HECW1: variants seen among roughly 807,000 people sequenced by gnomAD.
HECW1 encodes E3 ubiquitin-protein ligase HECW1.
Under a neutral mutation model 182.3 loss-of-function variants are expected in HECW1, and 61 were observed. That is an observed-to-expected ratio of 0.33 (90% CI 0.27 to 0.41). The LOEUF is 0.41. Ranked by LOEUF, HECW1 falls within the 10% of genes least tolerant of loss-of-function variation. HECW1 has a pLI of 1.00. For missense variants in HECW1, 1,739 were observed against 2,108.9 expected (o/e 0.82, Z 3.44); for synonymous variants, 859 against 832.6 (o/e 1.03, Z -0.55).
At chr7:43,322,686 G>A (rs905846601) in intron 5 of HECW1, among the ~76,000 whole-genome samples, 1 of 152,120 alleles carries the variant, frequency 6.6e-6, no homozygotes, top group African/African-American at 2.4e-5. Context: ...CCAGCAAGTG[G>A]TACCTGATAT....
chr7:43,475,875 A>T (rs1437120295), intron 16 of HECW1, among the ~76,000 whole-genome samples: 1 of 152,196 alleles, frequency 6.6e-6, no homozygotes, highest in Non-Finnish European at 1.5e-5. Flanking sequence ...TTAAAAACAA[A>T]TACTCTTGGT....
intron 3 of HECW1, among the ~76,000 whole-genome samples, chr7:43,249,779 G>A (rs889968158): frequency 6.6e-6 from 1 of 152,180 alleles, no homozygotes; most frequent in Non-Finnish European, 1.5e-5. Context: ...AGCCACAGAT[G>A]CCTCTCTTGC....
At chr7:43,210,385 C>T (rs375828253) in intron 2 of HECW1, among the ~76,000 whole-genome samples, 23 of 151,978 alleles carry the variant, frequency 1.5e-4, no homozygotes, top group East Asian at 5.8e-4. Context: ...TCAGGTCATC[C>T]TGAGACAGGA....
At chr7:43,368,560 C>T (rs1259633650) in intron 6 of HECW1, among the ~76,000 whole-genome samples, 2 of 152,180 alleles carry the variant, frequency 1.3e-5, no homozygotes, top group South Asian at 2.1e-4. Flanking sequence ...GGAAGGGATT[C>T]GGCATCCTCT....
intron 8 of HECW1, among the ~76,000 whole-genome samples, chr7:43,437,490 T>A (rs1455129856): frequency 3.3e-5 from 5 of 152,232 alleles, no homozygotes; most frequent in Non-Finnish European, 7.3e-5. Flanking sequence ...TAAATGCCAG[T>A]AAATATTGCC....
At chr7:43,151,225 C>G (rs1382590080) in intron 2 of HECW1, among the ~76,000 whole-genome samples, 1 of 152,094 alleles carries the variant, frequency 6.6e-6, no homozygotes, top group African/African-American at 2.4e-5. Context: ...ACCTTTTCTT[C>G]CCCAGGTGAC....
chr7:43,235,768 G>A (rs1798275741), intron 2 of HECW1, among the ~76,000 whole-genome samples: 1 of 152,154 alleles, frequency 6.6e-6, no homozygotes, highest in Non-Finnish European at 1.5e-5. Context: ...GGGGAGTCCT[G>A]AGTGTGGGCA....
chr7:43,286,222 A>G (rs1393428555), intron 3 of HECW1, among the ~76,000 whole-genome samples: 1 of 152,220 alleles, frequency 6.6e-6, no homozygotes, highest in Non-Finnish European at 1.5e-5. Context: ...AGCACAGTCC[A>G]AACAGACAAG....
chr7:43,405,316 C>A (rs140706775), intron 7 of HECW1, among the ~76,000 whole-genome samples: 1 of 152,124 alleles, frequency 6.6e-6, no homozygotes, highest in South Asian at 2.1e-4. Flanking sequence ...CTAGGTTCAA[C>A]AATTTGCTAG....
intron 5 of HECW1, among the ~76,000 whole-genome samples, chr7:43,327,634 G>C (rs925656735): frequency 1.3e-5 from 2 of 152,062 alleles, no homozygotes; most frequent in African/African-American, 4.8e-5. Context: ...TTTCCTTCCA[G>C]TTTTGCTTTA....
In HECW1 at chr7:43,445,589, T is replaced by C. The variant is rs914052058; in HGVS notation, c.2398+19T>C. ...AGAGAAGGTTAGACCTCAAACCTGA[T>C]CAGAGTGAGAATAGGACCATCAGGG... On this transcript the variant is annotated intron_variant, in intron 11 of 29. Coordinates refer to ENST00000395891, the MANE Select transcript of HECW1 (RefSeq NM_015052.5). 3.2e-6 allele frequency: 5 copies of C among 1,540,920 alleles called. No individual in the cohort carries two copies. The highest frequency in any genetic ancestry group is 4.4e-6 in the Non-Finnish European group (5 of 1,139,094).
At chr7:43,403,219 A>G (rs1053532444) in intron 7 of HECW1, among the ~76,000 whole-genome samples, 8 of 152,228 alleles carry the variant, frequency 5.3e-5, no homozygotes, top group Non-Finnish European at 1.2e-4. Flanking sequence ...TATACATAGG[A>G]GATACCCAGG....
chr7:43,268,425 C>A, intron 3 of HECW1, among the ~76,000 whole-genome samples: 1 of 152,346 alleles, frequency 6.6e-6, no homozygotes, highest in East Asian at 1.9e-4. Flanking sequence ...GAGGCTCTCA[C>A]CTGGGGGTGA....
intron 24 of HECW1, among the ~76,000 whole-genome samples, chr7:43,517,573 C>A (rs1372726530): frequency 2.0e-5 from 3 of 152,156 alleles, no homozygotes; most frequent in Admixed American, 2.0e-4. Flanking sequence ...GCTACATCTG[C>A]AGAGTCTTGA....
chr7:43,170,649 G>T (rs1791594494), intron 2 of HECW1, among the ~76,000 whole-genome samples: 1 of 152,170 alleles, frequency 6.6e-6, no homozygotes, highest in Non-Finnish European at 1.5e-5. Flanking sequence ...CCTTGTCAAA[G>T]GTGCATGGTA....
Position 43,450,935 on chromosome 7 carries a change from C to G in HECW1, c.2500+6C>G. ...CGATGAGCCTCTTCCACCAAGTAAG[C>G]TTTAGTTTTTAAAATCTGTGTCTTA... On this transcript the variant is annotated splice_donor_region_variant and intron_variant, in intron 12 of 29. Coordinates refer to ENST00000395891, the MANE Select transcript of HECW1 (RefSeq NM_015052.5). 1 of 1,584,388 alleles carries G rather than the reference C, an allele frequency of 6.3e-7. No individual in the cohort carries two copies. The highest frequency in any genetic ancestry group is 1.1e-5 in the South Asian group (1 of 90,510).
chr7:43,450,883 G>T lies in HECW1; in HGVS notation c.2454G>T (p.Arg818Ser). Reference sequence around the variant, plus strand: ...CAGTAAGCCAGCTTCCTTCCCTGAGGCCTGAACATCATCACTACCCAACAA... The same window carrying T: ...CAGTAAGCCAGCTTCCTTCCCTGAGTCCTGAACATCATCACTACCCAACAA... The part of the protein sequence containing the change: ...SQPVSQLPSL[R>S]PEHHHYPTID... The change falls in exon 12 of 30, where the codon AGG becomes AGT. Residue 818 changes from arginine to serine, a missense_variant. Around this residue, in one of 5 missense-constraint regions of HECW1, gnomAD observed 971 missense variants for 1,029.1 expected, o/e 0.94. Transcript: ENST00000395891. The T allele has an allele frequency of 6.2e-7, 1 of 1,613,638 alleles. No individual in the cohort carries two copies.
At chr7:43,471,241 C>T (rs1307595532) in intron 16 of HECW1, among the ~76,000 whole-genome samples, 2 of 152,136 alleles carry the variant, frequency 1.3e-5, no homozygotes, top group Admixed American at 1.3e-4. Flanking sequence ...ATGTTTGGAC[C>T]GTGTCTTACA....
intron 2 of HECW1, chr7:43,194,305 TTAG>T (rs1794219670): frequency 6.6e-6 from 1 of 152,310 alleles, no homozygotes; most frequent in African/African-American, 2.4e-5. Context: ...AAACTTAATC[TTAG>T]TAGACATTTT....
Sources: allele counts gnomAD v4.1 joint callset (sites outside exome capture counted in the v4.1 genomes callset), GRCh38; gene constraint gnomAD v4.1.1; regional missense constraint gnomAD v4.1.1; transcripts MANE v1.5; gene names NCBI Gene and HGNC (gene_info 2026-07-23, HGNC 2026-07-21).